ZBTB44: variants seen among roughly 807,000 people sequenced by gnomAD.
The protein encoded by ZBTB44 is zinc finger and BTB domain containing 44.
Under a neutral mutation model 54.0 loss-of-function variants are expected in ZBTB44, and 15 were observed. That is an observed-to-expected ratio of 0.28 (90% CI 0.19 to 0.43). The LOEUF is 0.43. ZBTB44 is among the 20% of genes least tolerant of loss of function. The pLI, the probability that ZBTB44 is intolerant of heterozygous loss-of-function variation, is 1.00. For missense variants in ZBTB44, 487 were observed against 707.1 expected (o/e 0.69, Z 3.53); for synonymous variants, 230 against 250.1 (o/e 0.92, Z 0.76).
intron 1 of ZBTB44, among the ~76,000 whole-genome samples, chr11:130,313,090 T>C (rs1942718913): frequency 6.6e-6 from 1 of 152,202 alleles, no homozygotes; most frequent in Admixed American, 6.5e-5. Flanking sequence ...CATAACAAAG[T>C]TAATAAAATT....
At chr11:130,249,586 T>C (rs1341462889) in intron 2 of ZBTB44, among the ~76,000 whole-genome samples, 10 of 152,138 alleles carry the variant, frequency 6.6e-5, no homozygotes, top group Admixed American at 6.5e-4. Context: ...GCATTTCTAA[T>C]GAGGTACCCT....
At chr11:130,233,593 A>G in intron 6 of ZBTB44, 1 of 1,345,818 alleles carries the variant, frequency 7.4e-7, no homozygotes, top group Non-Finnish European at 9.5e-7. Context: ...GTATCTACTC[A>G]GGCCATTTGT....
intron 1 of ZBTB44, chr11:130,310,030 C>G (rs1942497548): frequency 6.6e-6 from 1 of 152,040 alleles, no homozygotes; most frequent in African/African-American, 2.4e-5. Flanking sequence ...AATATGGTAT[C>G]TAGGCCTACG....
rs576380131 is a variant in ZBTB44 at position 130,314,845 on chromosome 11, C to CG, written c.-528dup. ...GGAGGGAGCCGCCGCCGCGCGCGTG[C>CG]GGCCGGCGCCGCCGCCGTTGCCGCT... On this transcript the variant is annotated 5_prime_UTR_variant, in exon 1 of 8. Coordinates refer to ENST00000357899, the MANE Select transcript of ZBTB44 (RefSeq NM_001301098.2). 138,049 of 138,688 alleles carry CG rather than the reference C, an allele frequency of 1. 68,705 individuals are homozygous for CG. The highest frequency in any genetic ancestry group is 1 in the Middle Eastern group (278 of 278). 8.6% of individuals were successfully genotyped at this position (138,688 alleles called of 1,614,324 possible).
intron 1 of ZBTB44, among the ~76,000 whole-genome samples, chr11:130,267,409 A>G (rs551085171): frequency 6.6e-6 from 1 of 151,920 alleles, no homozygotes; most frequent in African/African-American, 2.4e-5. Flanking sequence ...AGGTAAGATT[A>G]TAATTTTTGT....
At chr11:130,295,742 C>T in intron 1 of ZBTB44, 1 of 1,532,124 alleles carries the variant, frequency 6.5e-7, no homozygotes, top group Non-Finnish European at 9.0e-7. Context: ...GTGGTAAAAC[C>T]CTGGCTTTTC....
chr11:130,307,979 G>C (rs577759693), intron 1 of ZBTB44, among the ~76,000 whole-genome samples: 112 of 152,220 alleles, frequency 7.4e-4, no homozygotes, highest in Non-Finnish European at 1.1e-3. Flanking sequence ...ACCCGCCTCC[G>C]CCTCCCAAAG....
chr11:130,271,958 C>A (rs996751223), intron 1 of ZBTB44, among the ~76,000 whole-genome samples: 2 of 152,058 alleles, frequency 1.3e-5, no homozygotes, highest in Admixed American at 1.3e-4. Context: ...AGGCTGGATG[C>A]GGTGGTTCAC....
chr11:130,296,946 C>A, intron 1 of ZBTB44: 3 of 742,216 alleles, frequency 4.0e-6, no homozygotes. Context: ...GCAGAAAAAG[C>A]GAGGAGGTGG....
chr11:130,243,900 A>G (rs858702), intron 2 of ZBTB44, among the ~76,000 whole-genome samples: 88,557 of 151,914 alleles, frequency 0.58, 28,607 homozygotes, highest in Admixed American at 0.7. Flanking sequence ...CACATTAAGC[A>G]GGGAGCAGGT....
chr11:130,244,301 T>G (rs892349050), intron 2 of ZBTB44, among the ~76,000 whole-genome samples: 8 of 152,136 alleles, frequency 5.3e-5, no homozygotes, highest in Non-Finnish European at 8.8e-5. Flanking sequence ...TTGCACCAAA[T>G]GAACAAATCT....
At chr11:130,234,090 T>C in intron 6 of ZBTB44, 66 bp downstream of exon 6, 1 of 1,535,630 alleles carries the variant, frequency 6.5e-7, no homozygotes, top group Non-Finnish European at 8.8e-7. Flanking sequence ...CTTCTTCCTC[T>C]TTTTCTGCCA....
At position 130,282,542 on chromosome 11, in the gene ZBTB44, CTT is replaced by C. The variant is rs1361825426; in HGVS notation, c.-56-20615_-56-20614del. ...TTCTACTCATGCTGGACACTTGAGT[CTT>C]TTCTACAGATTTTAAATCCCTGACT... On this transcript the variant is annotated intron_variant, in intron 1 of 7. Coordinates refer to ENST00000357899, the MANE Select transcript of ZBTB44 (RefSeq NM_001301098.2). Among the ~76,000 whole-genome samples, 8 of 152,324 alleles carry C rather than the reference CTT, an allele frequency of 5.3e-5. No individual in the cohort carries two copies. In the East Asian group the frequency reaches 1.5e-3, roughly 29 times the overall value.
At chr11:130,236,136 T>G (rs1424439663) in intron 5 of ZBTB44, 5 of 1,286,908 alleles carry the variant, frequency 3.9e-6, no homozygotes, top group Non-Finnish European at 5.1e-6. Context: ...AGTTTCAAGC[T>G]TTTTCATGTG....
At chr11:130,290,773 C>G (rs1941253228) in intron 1 of ZBTB44, among the ~76,000 whole-genome samples, 1 of 152,168 alleles carries the variant, frequency 6.6e-6, no homozygotes, top group South Asian at 2.1e-4. Flanking sequence ...TGAGATCTGG[C>G]AGAACTATTA....
intron 1 of ZBTB44, among the ~76,000 whole-genome samples, chr11:130,269,616 A>C (rs1555170363): frequency 6.6e-6 from 1 of 151,550 alleles, no homozygotes; most frequent in Non-Finnish European, 1.5e-5. Flanking sequence ...AGAACCTACA[A>C]TTTTTTTTTA....
At position 130,309,605 on chromosome 11, in the gene ZBTB44, G is replaced by A. The variant is rs1942471696; in HGVS notation, c.-57+4770C>T. Among the ~76,000 whole-genome samples, 7 of 152,104 alleles carry A rather than the reference G, an allele frequency of 4.6e-5. 1 individual carries two copies. In the South Asian group the frequency reaches 1.0e-3, roughly 22 times the overall value. ...GTAGATGGAGTCACCTGGGCGCAGT[G>A]GCTCACGTCTGTAATTCCAGCACTT... is the stretch of plus-strand genomic sequence containing the variant. On this transcript the variant is annotated intron_variant, in intron 1 of 7. Transcript: ENST00000357899.
intron 1 of ZBTB44, among the ~76,000 whole-genome samples, chr11:130,270,794 T>C (rs1035160115): frequency 6.6e-6 from 1 of 152,186 alleles, no homozygotes; most frequent in Non-Finnish European, 1.5e-5. Flanking sequence ...CTGGTTTCGA[T>C]AGGGGTTGAT....
At chr11:130,260,071 C>A (rs972217845) in intron 2 of ZBTB44, among the ~76,000 whole-genome samples, 40 of 152,152 alleles carry the variant, frequency 2.6e-4, no homozygotes, top group Admixed American at 1.3e-3. Context: ...TAAGTTACTG[C>A]AGAAGGGATT....
Sources: allele counts gnomAD v4.1 joint callset (sites outside exome capture counted in the v4.1 genomes callset), GRCh38; gene constraint gnomAD v4.1.1; transcripts MANE v1.5; gene names NCBI Gene and HGNC (gene_info 2026-07-23, HGNC 2026-07-21).